The following SCNN1A variants were observed in gnomAD, a reference collection of about 807,000 sequenced individuals.
The protein encoded by SCNN1A is epithelial sodium channel subunit alpha.
SCNN1A carries 65 observed loss-of-function variants against 68.6 expected under a neutral mutation model. That is an observed-to-expected ratio of 0.95 (90% CI 0.78 to 1.16). SCNN1A has a LOEUF of 1.16. SCNN1A is among the 50% of genes most tolerant of loss of function. The probability of loss-of-function intolerance (pLI) is 0.00; values close to 1 mark genes in which losing one functional copy is unlikely to be tolerated. For missense variants in SCNN1A, 880 were observed against 865.9 expected, an observed-to-expected ratio of 1.02 and a Z score of -0.20; for synonymous variants, 357 against 353.3, an observed-to-expected ratio of 1.01 and a Z score of -0.12.
chr12:6,374,427 G>T lies in SCNN1A; in HGVS notation c.357C>A (p.Asn119Lys). The change falls in exon 2 of 13, where the codon AAC becomes AAA. Residue 119 changes from asparagine (N) to lysine (K), a missense_variant. Coordinates refer to ENST00000228916, the MANE Select transcript of SCNN1A (RefSeq NM_001038.6). This position sits in a 1 kb window ranked among gnomAD's most constrained non-coding sequence, Gnocchi z 6.2. ...YFSYPVSLNINLNSDKLVFPA... is the reference protein window; with the variant it reads ...YFSYPVSLNIKLNSDKLVFPA... ...GGAAGACGAGCTTGTCCGAGTTGAG[G>T]TTGATGTTGAGGCTGACGGGGTAGC... The T allele has an allele frequency of 6.2e-7, 1 of 1,614,216 alleles. No homozygotes were observed. The highest frequency in any genetic ancestry group is 8.5e-7 in the Non-Finnish European group (1 of 1,180,030).
intron 8 of SCNN1A, chr12:6,353,786 T>TG (rs1488660417): frequency 4.5e-5 from 6 of 134,364 alleles, no homozygotes; most frequent in African/African-American, 1.2e-4. Flanking sequence ...AGACGGGGTT[T>TG]CACCGTGTTA....
Position 6,347,767 on chromosome 12 carries a change from T to G in SCNN1A, c.*106A>C. The stretch of plus-strand genomic sequence containing the variant: ...TCCCCTCCACACATCAACGGCAGTT[T>G]GGGCGGCTCTGAGAGGAAGCCCTGC... On this transcript the variant is annotated 3_prime_UTR_variant, in exon 13 of 13. Coordinates refer to ENST00000228916, the MANE Select transcript of SCNN1A (RefSeq NM_001038.6). 1 of 978,914 alleles carries G rather than the reference T, an allele frequency of 1.0e-6. No individual in the cohort carries two copies. 60.6% of individuals were successfully genotyped at this position (978,914 alleles called of 1,614,324 possible).
In SCNN1A at chr12:6,355,306, C is replaced by T. The variant is rs372873824; in HGVS notation, c.1109G>A (p.Arg370Gln). ...AFMDDGGFNL[R>Q]PGVETSISMR... ...GCTGATGGAGGTCTCCACGCCAGGC[C>T]GCAAGTTAAAGCCACCATCATCCAT... The change falls in exon 6 of 13, where the codon CGG becomes CAG. Residue 370 changes from arginine to glutamine, a missense_variant. Physicochemically the swap from Arg to Gln is conservative, Grantham distance 43 (BLOSUM62 1). Coordinates refer to ENST00000228916, the MANE Select transcript of SCNN1A (RefSeq NM_001038.6). 357 of 1,613,522 alleles carry T rather than the reference C, an allele frequency of 2.2e-4. 1 individual carries two copies. The highest frequency in any genetic ancestry group is 2.9e-4 in the South Asian group (26 of 90,956).
chr12:6,349,364 G>T lies in SCNN1A; in HGVS notation c.1402C>A (p.His468Asn), dbSNP rs1308882924. 1 of 1,610,372 alleles carries T rather than the reference G, an allele frequency of 6.2e-7. No individual in the cohort carries two copies. ...CGGCACTTGGTGAAACAGCCCAGGT[G>T]GTCTGAGGAGAAGTCAACCTGGAGC... ...YKLQVDFSSD[H>N]LGCFTKCRKP... The change falls in exon 9 of 13, where the codon CAC becomes AAC. Residue 468 changes from histidine (H) to asparagine (N), a missense_variant. Physicochemically the swap from His to Asn is moderately conservative, Grantham distance 68. Coordinates refer to ENST00000228916, the MANE Select transcript of SCNN1A (RefSeq NM_001038.6).
In SCNN1A at chr12:6,363,680, C is replaced by T. The variant is rs1363169749; in HGVS notation, c.447G>A (p.Glu149=). 6.2e-7 allele frequency: 1 copy of T among 1,603,018 alleles called. No homozygotes were observed. The highest frequency in any genetic ancestry group is 1.4e-5 in the African/African-American group (1 of 73,956). The change falls in exon 3 of 13, where the codon GAG becomes GAA. Residue 149 remains glutamate, a synonymous_variant. Transcript: ENST00000228916. The stretch of plus-strand genomic sequence containing the variant: ...GCGTCTGCTCTGTGATGCGGTCCAG[C>T]TCCTCCAGCTCCTCTTTAATTTCCG... ...RYPEIKEELE[E]LDRITEQTLF...
chr12:6,362,626 A>G (rs542696811), intron 3 of SCNN1A, among the ~76,000 whole-genome samples: 3 of 152,092 alleles, frequency 2.0e-5, no homozygotes, highest in Admixed American at 6.5e-5. Context: ...CACTCTTACT[A>G]ATGGGAACTT....
chr12:6,365,917 GC>G (rs1317327154), intron 2 of SCNN1A, among the ~76,000 whole-genome samples: 6 of 151,998 alleles, frequency 3.9e-5, no homozygotes, highest in Non-Finnish European at 7.4e-5. Flanking sequence ...GGAGTGCAGT[GC>G]CGTGATCTCG....
intron 2 of SCNN1A, among the ~76,000 whole-genome samples, chr12:6,370,969 T>C (rs1948778589): frequency 6.6e-6 from 1 of 152,230 alleles, no homozygotes; most frequent in Non-Finnish European, 1.5e-5. Flanking sequence ...CTCCTTTCAG[T>C]GAAGAAGCCC....
At position 6,347,880 on chromosome 12, in the gene SCNN1A, C is replaced by G; in HGVS notation, c.2003G>C (p.Gly668Ala). ...GASSSTCPLG[G>A]P Reference sequence around the variant, plus strand: ...GAAACCTCTCCTTCCCTCTCAGGGCCCCCCCAGAGGACAGGTGGAGGAACT... The same window carrying G: ...GAAACCTCTCCTTCCCTCTCAGGGCGCCCCCAGAGGACAGGTGGAGGAACT... The change falls in exon 13 of 13, where the codon GGG becomes GCG. Residue 668 changes from glycine to alanine, a missense_variant. Transcript: ENST00000228916. The G allele has an allele frequency of 1.2e-6, 2 of 1,601,704 alleles. No homozygotes were observed. Among genetic ancestry groups the G allele is most frequent in the Non-Finnish European group, 1.7e-6 (2 of 1,174,466 alleles).
chr12:6,375,313 C>G, intron 1 of SCNN1A, 192 bp downstream of exon 1: 1 of 1,439,090 alleles, frequency 6.9e-7, no homozygotes, highest in Non-Finnish European at 9.1e-7. Flanking sequence ...GCCTTGCCCC[C>G]TCTCACTCTA....
chr12:6,363,196 C>T (rs1948609525), intron 3 of SCNN1A, among the ~76,000 whole-genome samples: 1 of 151,464 alleles, frequency 6.6e-6, no homozygotes, highest in Non-Finnish European at 1.5e-5. Context: ...GACTTCCTAC[C>T]CCTGAAATGC....
intron 3 of SCNN1A, among the ~76,000 whole-genome samples, chr12:6,362,569 G>A (rs966409782): frequency 9.9e-5 from 15 of 152,138 alleles, no homozygotes; most frequent in Admixed American, 1.3e-4. Flanking sequence ...GAGGGATCAA[G>A]AGATTTGTCC....
Position 6,354,418 on chromosome 12 carries a change from G to C in SCNN1A, c.1360+20C>G, listed in dbSNP as rs1341833553. ...GTACTGGGGTCAGTGGGGCAGGGTG[G>C]GGGCTCCCTGGAGTCTCACCCCAGG... On this transcript the variant is annotated intron_variant, in intron 8 of 12. Coordinates refer to ENST00000228916, the MANE Select transcript of SCNN1A (RefSeq NM_001038.6). The C allele has an allele frequency of 3.2e-6, 5 of 1,539,136 alleles. No individual in the cohort carries two copies. Among genetic ancestry groups the C allele is most frequent in the Middle Eastern group, 4.5e-4 (2 of 4,462 alleles).
At chr12:6,362,462 C>T (rs146916583) in intron 3 of SCNN1A, among the ~76,000 whole-genome samples, 12 of 152,178 alleles carry the variant, frequency 7.9e-5, no homozygotes, top group African/African-American at 2.9e-4. Context: ...GAAAGGAGAC[C>T]AGTAGCTGCA....
In SCNN1A at chr12:6,353,515, C is replaced by T. The variant is rs1377094264; in HGVS notation, c.1360+923G>A. Among the ~76,000 whole-genome samples the T allele has an allele frequency of 6.6e-5, 10 of 152,178 alleles. No homozygotes were observed. The East Asian group carries it at 1.2e-3, about 18-fold the overall frequency. ...GAAACCTTAGGAGCCATTGAGGAAC[C>T]GCTGGAGGTTTTCTCACGTGCTCTT... On this transcript the variant is annotated intron_variant, in intron 8 of 12. Transcript: ENST00000228916.
intron 3 of SCNN1A, among the ~76,000 whole-genome samples, chr12:6,363,107 C>T (rs1948607928): frequency 6.9e-6 from 1 of 145,874 alleles, no homozygotes; most frequent in Admixed American, 6.9e-5. Flanking sequence ...TTGCATTTTC[C>T]TTCCTGAATC....
At chr12:6,369,386 A>ACTGATG (rs1948745027) in intron 2 of SCNN1A, among the ~76,000 whole-genome samples, 1 of 134,456 alleles carries the variant, frequency 7.4e-6, no homozygotes, top group African/African-American at 3.0e-5. Flanking sequence ...GCCTGGCCTC[A>ACTGATG]CTGATGAGCC....
At chr12:6,359,788 T>C (rs953264771) in intron 4 of SCNN1A, among the ~76,000 whole-genome samples, 277 of 108,596 alleles carry the variant, frequency 2.6e-3, no homozygotes, top group African/African-American at 9.7e-3. Flanking sequence ...TTTTTTTTTT[T>C]CAGATGGAGT....
chr12:6,375,025 G>A (rs1258754285), intron 1 of SCNN1A, 188 bp from the exon 2 acceptor site: 4 of 1,542,128 alleles, frequency 2.6e-6, no homozygotes, highest in Non-Finnish European at 2.6e-6. Flanking sequence ...GGAGCCAGCA[G>A]ACCTGCGGGA....
Sources: allele counts gnomAD v4.1 joint callset (sites outside exome capture counted in the v4.1 genomes callset), GRCh38; gene constraint gnomAD v4.1.1; non-coding constraint Gnocchi (gnomAD v3.1); transcripts MANE v1.5; gene names NCBI Gene and HGNC (gene_info 2026-07-23, HGNC 2026-07-21).